The following REPS1 variants were observed in gnomAD, a reference collection of about 807,000 sequenced individuals.
The protein encoded by REPS1 is ralBP1-associated Eps domain-containing protein 1.
In REPS1, 39 loss-of-function variants were observed where a neutral mutation model predicts 100.9. The observed-to-expected ratio is 0.39, with a 90% CI of 0.30 to 0.50. The LOEUF is 0.50. Ranked by LOEUF, REPS1 falls within the 20% of genes least tolerant of loss-of-function variation. REPS1 has a pLI of 0.86. For synonymous variants in REPS1, 324 were observed against 340.3 expected (o/e 0.95, Z 0.53); for missense variants, 821 against 968.5 (o/e 0.85, Z 2.02).
chr6:138,970,031 C>T (rs1200772087), intron 1 of REPS1, among the ~76,000 whole-genome samples: 1 of 151,946 alleles, frequency 6.6e-6, no homozygotes, highest in Non-Finnish European at 1.5e-5. Context: ...ATGATGAAGG[C>T]TCTAAATGCC....
intron 15 of REPS1, 116 bp downstream of exon 15, chr6:138,914,581 A>C (rs1475224532): frequency 9.9e-6 from 8 of 806,052 alleles, no homozygotes; most frequent in Non-Finnish European, 1.7e-5. Context: ...TTAAATGCTC[A>C]TTAAAGATTA....
chr6:138,965,670 T>C (rs1347052155), intron 1 of REPS1, among the ~76,000 whole-genome samples: 3 of 152,134 alleles, frequency 2.0e-5, no homozygotes, highest in Non-Finnish European at 4.4e-5. Flanking sequence ...CCAGACATAA[T>C]TGCTTGTAAA....
At position 138,943,947 on chromosome 6, in the gene REPS1, A is replaced by T; in HGVS notation, c.822T>A (p.Ser274Arg). 2.5e-6 allele frequency: 4 copies of T among 1,613,832 alleles called. No homozygotes were observed. The South Asian group carries it at 3.3e-5, about 13-fold the overall frequency. ...TAIEIRRQSS[S>R]YDDPWKITDE... ...CTGTTATTTTCCAGGGATCATCATA[A>T]CTACTGGATTGCCTACGAATTTCAA... The change falls in exon 6 of 20, where the codon AGT becomes AGA. Residue 274 changes from serine to arginine, a missense_variant. Around this residue, in one of 3 missense-constraint regions of REPS1, gnomAD observed 757 missense variants for 866.4 expected, o/e 0.87. Transcript: ENST00000450536.
At chr6:138,955,457 A>AAAGTGTGTGT (rs10689184) in intron 1 of REPS1, among the ~76,000 whole-genome samples, 6 of 90,734 alleles carry the variant, frequency 6.6e-5, no homozygotes, top group South Asian at 5.6e-4. Context: ...AAAAAAAAAA[A>AAAGTGTGTGT]GTGTGTGTGT....
In REPS1 at chr6:138,926,272, C is replaced by T. The variant is rs541229198; in HGVS notation, c.1338+129G>A. ...TTTCCCACCATTAAGCACACAAAAACCAAAAAGCCTGCCGCCACTTCCCTC... is the reference window on the plus strand; with the variant it reads ...TTTCCCACCATTAAGCACACAAAAATCAAAAAGCCTGCCGCCACTTCCCTC... On this transcript the variant is annotated intron_variant, in intron 10 of 19. Transcript: ENST00000450536. 4 of 613,222 alleles carry T rather than the reference C, an allele frequency of 6.5e-6. No individual in the cohort carries two copies. In the East Asian group the frequency reaches 1.2e-4, roughly 18 times the overall value. The allele number at this position is 613,222 out of a possible 1,614,324, so 38.0% of individuals were successfully genotyped here. A position where few individuals can be genotyped will look rare whatever the true frequency, so the allele number is the denominator to read the frequency against.
At chr6:138,932,660 T>C (rs1037867014) in intron 8 of REPS1, among the ~76,000 whole-genome samples, 2 of 152,230 alleles carry the variant, frequency 1.3e-5, no homozygotes, top group Non-Finnish European at 2.9e-5. Flanking sequence ...CAGAGAAAAG[T>C]ACTTGTGTGA....
intron 1 of REPS1, among the ~76,000 whole-genome samples, chr6:138,974,526 T>C (rs922937455): frequency 1.1e-4 from 16 of 152,184 alleles, no homozygotes; most frequent in African/African-American, 3.9e-4. Context: ...TGTCCAAATG[T>C]GTTTTGGGTT....
chr6:138,933,093 T>C (rs1781584742), intron 8 of REPS1, among the ~76,000 whole-genome samples: 1 of 152,318 alleles, frequency 6.6e-6, no homozygotes, highest in South Asian at 2.1e-4. Context: ...TACAAAAAAA[T>C]GCATTAAAGT....
At chr6:138,978,693 A>C (rs1784741741) in intron 1 of REPS1, among the ~76,000 whole-genome samples, 1 of 152,134 alleles carries the variant, frequency 6.6e-6, no homozygotes, top group African/African-American at 2.4e-5. Flanking sequence ...TTTGAAGCTA[A>C]TGTGAATGTA....
At chr6:138,924,435 C>T (rs979594593) in intron 10 of REPS1, among the ~76,000 whole-genome samples, 1 of 152,172 alleles carries the variant, frequency 6.6e-6, no homozygotes, top group Non-Finnish European at 1.5e-5. Context: ...CACTGCTACT[C>T]AACCAACTAT....
chr6:138,941,426 A>C lies in REPS1; in HGVS notation c.1044T>G (p.His348Gln). The C allele has an allele frequency of 6.2e-7, 1 of 1,614,102 alleles. No individual in the cohort carries two copies. The highest frequency in any genetic ancestry group is 8.5e-7 in the Non-Finnish European group (1 of 1,179,962). Reference protein sequence around the residue: ...LTLDEFCAAFHLVVARKNGYD... With the variant: ...LTLDEFCAAFQLVVARKNGYD... ...AGCCATTCTTCCTAGCAACCACCAGATGAAAAGCAGCACAAAACTCATCCA... is the reference window on the plus strand; with the variant it reads ...AGCCATTCTTCCTAGCAACCACCAGCTGAAAAGCAGCACAAAACTCATCCA... Residue 348 changes from histidine (H) to glutamine (Q), a missense_variant, in exon 8 of 20, where the codon CAT (histidine) becomes CAG (glutamine). By Grantham distance (24) the His-to-Gln change is conservative. Transcript: ENST00000450536.
At chr6:138,931,958 G>A (rs1222132159) in intron 8 of REPS1, among the ~76,000 whole-genome samples, 3 of 152,136 alleles carry the variant, frequency 2.0e-5, no homozygotes, top group East Asian at 1.9e-4. Flanking sequence ...ACTACAAGAT[G>A]ACTAATTTTC....
chr6:138,936,897 C>G (rs1020198355), intron 8 of REPS1, among the ~76,000 whole-genome samples: 2 of 152,146 alleles, frequency 1.3e-5, no homozygotes, highest in African/African-American at 4.8e-5. Context: ...TACCTTGAAT[C>G]ATAAATGTGA....
chr6:138,934,566 C>A (rs1015942583), intron 8 of REPS1, among the ~76,000 whole-genome samples: 2 of 152,218 alleles, frequency 1.3e-5, no homozygotes, highest in East Asian at 1.9e-4. Context: ...AGTGTACCTG[C>A]TAAACAACCT....
At chr6:138,948,256 AC>A (rs1182234523) in intron 1 of REPS1, among the ~76,000 whole-genome samples, 1 of 152,190 alleles carries the variant, frequency 6.6e-6, no homozygotes, top group Non-Finnish European at 1.5e-5. Context: ...TGACTAAGAG[AC>A]TATTATGCAG....
intron 12 of REPS1, 140 bp downstream of exon 12, chr6:138,920,075 T>C (rs1458684310): frequency 8.1e-6 from 4 of 493,522 alleles, no homozygotes; most frequent in South Asian, 3.2e-5. Context: ...TATTCACTGA[T>C]AGGGCAAAGT....
intron 1 of REPS1, among the ~76,000 whole-genome samples, chr6:138,973,973 C>G (rs1040095726): frequency 6.6e-6 from 1 of 152,142 alleles, no homozygotes; most frequent in African/African-American, 2.4e-5. Flanking sequence ...AGGAAGCAGA[C>G]AGGCACAGTG....
chr6:138,975,275 T>A (rs1159175705), intron 1 of REPS1, among the ~76,000 whole-genome samples: 1 of 152,154 alleles, frequency 6.6e-6, no homozygotes, highest in Non-Finnish European at 1.5e-5. Flanking sequence ...AACCTCAGAA[T>A]CATTCTTTGA....
chr6:138,965,487 T>C (rs1249690180), intron 1 of REPS1, among the ~76,000 whole-genome samples: 7 of 152,172 alleles, frequency 4.6e-5, no homozygotes, highest in African/African-American at 1.4e-4. Context: ...TAGTTGCCTT[T>C]AGAAAATACG....
Sources: allele counts gnomAD v4.1 joint callset (sites outside exome capture counted in the v4.1 genomes callset), GRCh38; gene constraint gnomAD v4.1.1; regional missense constraint gnomAD v4.1.1; transcripts MANE v1.5; gene names NCBI Gene and HGNC (gene_info 2026-07-23, HGNC 2026-07-21).